The following CRACD variants were observed in gnomAD, a reference collection of about 807,000 sequenced individuals.
CRACD encodes capping protein-inhibiting regulator of actin dynamics.
In CRACD, 56 loss-of-function variants were observed where a neutral mutation model predicts 106.8. That is an observed-to-expected ratio of 0.52 (90% CI 0.42 to 0.66). The LOEUF (loss-of-function observed/expected upper bound fraction) is 0.66. CRACD is among the 30% of genes least tolerant of loss of function. CRACD has a pLI of 0.00. For missense variants in CRACD, 1,730 were observed against 1,623.2 expected, an observed-to-expected ratio of 1.07 and a Z score of -1.13; for synonymous variants, 754 against 670.8, an observed-to-expected ratio of 1.12 and a Z score of -1.92.
At chr4:56,114,204 C>G (rs142228892) in intron 1 of CRACD, among the ~76,000 whole-genome samples, 6 of 150,936 alleles carry the variant, frequency 4.0e-5, no homozygotes, top group African/African-American at 1.2e-4. Flanking sequence ...CCGGTTCTTA[C>G]GCTTGTCAAT....
chr4:56,128,175 A>T (rs575566206), intron 1 of CRACD, among the ~76,000 whole-genome samples: 14 of 152,188 alleles, frequency 9.2e-5, no homozygotes, highest in African/African-American at 1.2e-4. Context: ...AAAGTTTTAA[A>T]AAGCTGGGAA....
rs115861772 is a variant in CRACD at position 56,075,588 on chromosome 4, A to G, written c.-336+26289A>G. On this transcript the variant is annotated intron_variant, in intron 1 of 10. Coordinates refer to ENST00000682029, the MANE Select transcript of CRACD (RefSeq NM_001393381.1). ...TAGACATTTTCATCACCCTAAAAAG[A>G]AACCATTAGCAATCGCTCCTGGTTA... is the stretch of plus-strand genomic sequence containing the variant. 4.7e-3 allele frequency among the ~76,000 whole-genome samples: 712 copies of G among 152,258 alleles called. 7 individuals carry two copies. Among genetic ancestry groups the G allele is most frequent in the African/African-American group, 0.016 (666 of 41,558 alleles).
intron 1 of CRACD, among the ~76,000 whole-genome samples, chr4:56,155,587 A>C (rs896499941): frequency 2.0e-5 from 3 of 152,174 alleles, no homozygotes; most frequent in Admixed American, 1.3e-4. Flanking sequence ...ATCAGGTAGG[A>C]TTATTATTGC....
chr4:56,126,898 A>C (rs1734677566), intron 1 of CRACD, among the ~76,000 whole-genome samples: 1 of 152,088 alleles, frequency 6.6e-6, no homozygotes, highest in Non-Finnish European at 1.5e-5. Context: ...GTTTTTTGTT[A>C]CTGTTTGTTT....
intron 1 of CRACD, among the ~76,000 whole-genome samples, chr4:56,157,311 T>C (rs1024991943): frequency 2.0e-5 from 3 of 152,036 alleles, no homozygotes; most frequent in Admixed American, 1.3e-4. Context: ...CTACAAAAAA[T>C]TTAAAACTAA....
chr4:56,095,126 A>T (rs555014530), intron 1 of CRACD, among the ~76,000 whole-genome samples: 71 of 152,116 alleles, frequency 4.7e-4, no homozygotes, highest in Non-Finnish European at 9.3e-4. Context: ...CCAGGGTAAG[A>T]GGATCACCTG....
chr4:56,177,755 G>A (rs149138255), intron 1 of CRACD, among the ~76,000 whole-genome samples: 1 of 152,204 alleles, frequency 6.6e-6, no homozygotes, highest in East Asian at 1.9e-4. Context: ...CATGGATGTA[G>A]GAGAGTAACC....
intron 2 of CRACD, among the ~76,000 whole-genome samples, chr4:56,202,953 C>G (rs1737952874): frequency 6.6e-6 from 1 of 152,124 alleles, no homozygotes; most frequent in Non-Finnish European, 1.5e-5. Flanking sequence ...TTGCTTCACC[C>G]TAATCAGTTT....
At chr4:56,194,590 C>T (rs915604709) in intron 2 of CRACD, among the ~76,000 whole-genome samples, 1 of 152,100 alleles carries the variant, frequency 6.6e-6, no homozygotes, top group East Asian at 1.9e-4. Flanking sequence ...GGGCAGAGCC[C>T]TTATAGATGG....
intron 2 of CRACD, among the ~76,000 whole-genome samples, chr4:56,223,387 T>A (rs1189873916): frequency 6.6e-6 from 1 of 152,200 alleles, no homozygotes; most frequent in Non-Finnish European, 1.5e-5. Context: ...TTAGATTAAT[T>A]TTCCCTTTTC....
intron 5 of CRACD, among the ~76,000 whole-genome samples, chr4:56,308,022 T>C (rs1261422797): frequency 6.6e-6 from 1 of 152,192 alleles, no homozygotes; most frequent in Non-Finnish European, 1.5e-5. Flanking sequence ...CTGTGTGTCT[T>C]TACCATTTTT....
chr4:56,325,597 A>C (rs1452778931), intron 10 of CRACD, among the ~76,000 whole-genome samples: 1 of 152,254 alleles, frequency 6.6e-6, no homozygotes, highest in African/African-American at 2.4e-5. Flanking sequence ...TGTTCATAAC[A>C]TGTAAGAGAT....
At chr4:56,324,478 A>C (rs1746304731) in intron 10 of CRACD, among the ~76,000 whole-genome samples, 1 of 152,226 alleles carries the variant, frequency 6.6e-6, no homozygotes, top group Non-Finnish European at 1.5e-5. Flanking sequence ...GTGTTGGTGA[A>C]TATTTAACAG....
intron 1 of CRACD, among the ~76,000 whole-genome samples, chr4:56,078,279 T>C (rs1447192169): frequency 6.6e-6 from 1 of 152,148 alleles, no homozygotes; most frequent in African/African-American, 2.4e-5. Context: ...TTAAAGTGAG[T>C]TAATTTATTT....
chr4:56,231,838 T>C (rs956597534), intron 2 of CRACD, among the ~76,000 whole-genome samples: 5 of 152,240 alleles, frequency 3.3e-5, no homozygotes, highest in African/African-American at 1.2e-4. Context: ...AGTGTTAAAA[T>C]GTGGCTGTTC....
At chr4:56,271,659 A>G (rs1742354803) in intron 2 of CRACD, among the ~76,000 whole-genome samples, 1 of 152,214 alleles carries the variant, frequency 6.6e-6, no homozygotes, top group Admixed American at 6.5e-5. Context: ...TGTTAAAGAA[A>G]GCAGGCACTG....
At chr4:56,101,549 G>A (rs949488800) in intron 1 of CRACD, among the ~76,000 whole-genome samples, 2 of 152,196 alleles carry the variant, frequency 1.3e-5, no homozygotes, top group African/African-American at 2.4e-5. Context: ...GATCACCTGA[G>A]GTCAGGAGTT....
At chr4:56,081,767 G>A (rs1470657831) in intron 1 of CRACD, among the ~76,000 whole-genome samples, 2 of 152,144 alleles carry the variant, frequency 1.3e-5, no homozygotes. Flanking sequence ...CTTGAGGTCA[G>A]GAGTTCAAGA....
At chr4:56,247,819 C>G (rs936759293) in intron 2 of CRACD, among the ~76,000 whole-genome samples, 1 of 151,162 alleles carries the variant, frequency 6.6e-6, no homozygotes, top group South Asian at 2.1e-4. Context: ...GCACTCTAGC[C>G]TGGGCAACAG....
Sources: gnomAD v4.1 joint callset for allele counts (sites outside exome capture counted in the v4.1 genomes callset) on GRCh38, gnomAD v4.1.1 for gene constraint, MANE v1.5 for transcripts, NCBI Gene and HGNC (gene_info 2026-07-23, HGNC 2026-07-21) for gene names.